FSTL5: variants seen among roughly 807,000 people sequenced by gnomAD.
The protein encoded by FSTL5 is follistatin like 5.
In FSTL5, 62 loss-of-function variants were observed where a neutral mutation model predicts 89.1. The observed-to-expected ratio is 0.70, with a 90% CI of 0.57 to 0.86. FSTL5 has a LOEUF of 0.86. FSTL5 is among the 40% of genes least tolerant of loss of function. The pLI is 0.00. For synonymous variants in FSTL5, 383 were observed against 346.2 expected, an observed-to-expected ratio of 1.11 and a Z score of -1.18; for missense variants, 1,057 against 1,001.6, an observed-to-expected ratio of 1.06 and a Z score of -0.75.
intron 4 of FSTL5, among the ~76,000 whole-genome samples, chr4:161,803,922 C>G (rs1265630120): frequency 6.6e-6 from 1 of 151,994 alleles, no homozygotes; most frequent in African/African-American, 2.4e-5. Flanking sequence ...TTTCTAGAGG[C>G]TTTAAGATTA....
At chr4:161,538,898 G>A (rs1001895651) in intron 9 of FSTL5, among the ~76,000 whole-genome samples, 4 of 151,904 alleles carry the variant, frequency 2.6e-5, no homozygotes, top group Admixed American at 2.0e-4. Context: ...TGAGTAGCTG[G>A]GACTACAGGC....
intron 12 of FSTL5, among the ~76,000 whole-genome samples, chr4:161,488,295 T>TG (rs2126465054): frequency 6.6e-6 from 1 of 152,166 alleles, no homozygotes; most frequent in South Asian, 2.1e-4. Flanking sequence ...CATGGTAACG[T>TG]GGGGGCTCTA....
intron 4 of FSTL5, among the ~76,000 whole-genome samples, chr4:161,846,071 TTGTG>T (rs1731359708): frequency 6.6e-6 from 1 of 151,414 alleles, no homozygotes; most frequent in Non-Finnish European, 1.5e-5. Context: ...AAATTGTGAA[TTGTG>T]TGTGTATTTG....
chr4:162,156,707 A>G (rs1268950243), intron 1 of FSTL5, among the ~76,000 whole-genome samples: 1 of 152,150 alleles, frequency 6.6e-6, no homozygotes, highest in Non-Finnish European at 1.5e-5. Context: ...ATACATGGAC[A>G]TAAGGATGAC....
chr4:161,431,144 A>G (rs1315059660), intron 15 of FSTL5, among the ~76,000 whole-genome samples: 3 of 152,246 alleles, frequency 2.0e-5, no homozygotes, highest in Non-Finnish European at 4.4e-5. Context: ...GTACACAGAA[A>G]AACATAAAAT....
intron 1 of FSTL5, among the ~76,000 whole-genome samples, chr4:162,125,151 T>C (rs1561032725): frequency 6.6e-6 from 1 of 152,206 alleles, no homozygotes; most frequent in Non-Finnish European, 1.5e-5. Flanking sequence ...GACACAGCTT[T>C]CTATCAATTT....
intron 4 of FSTL5, among the ~76,000 whole-genome samples, chr4:161,837,021 A>G (rs1731066241): frequency 6.6e-6 from 1 of 152,136 alleles, no homozygotes; most frequent in Admixed American, 6.6e-5. Context: ...CTAAATATGT[A>G]GTTGGACCTA....
At chr4:161,793,457 T>C (rs368628612) in intron 4 of FSTL5, among the ~76,000 whole-genome samples, 3 of 152,200 alleles carry the variant, frequency 2.0e-5, no homozygotes, top group African/African-American at 7.2e-5. Flanking sequence ...ATTCAGGATA[T>C]ATTAGTGTCA....
At chr4:161,538,416 C>T (rs189741234) in intron 9 of FSTL5, 116 bp from the exon 10 acceptor site, 1 of 1,128,564 alleles carries the variant, frequency 8.9e-7, no homozygotes, top group African/African-American at 1.5e-5. Context: ...TGTTTCCCTT[C>T]CTACTTCCAT....
intron 6 of FSTL5, among the ~76,000 whole-genome samples, chr4:161,725,742 A>G (rs1982121): frequency 0.57 from 86,853 of 152,012 alleles, 27,818 homozygotes; most frequent in Non-Finnish European, 0.72. Context: ...AGAAATAATG[A>G]TAATGCTTGC....
chr4:161,846,589 C>T (rs1172914839), intron 4 of FSTL5, among the ~76,000 whole-genome samples: 3 of 152,098 alleles, frequency 2.0e-5, no homozygotes, highest in Non-Finnish European at 2.9e-5. Flanking sequence ...ATTCATTAAC[C>T]AATCACAATC....
intron 8 of FSTL5, among the ~76,000 whole-genome samples, chr4:161,545,631 T>G (rs1473097972): frequency 1.3e-5 from 2 of 151,934 alleles, no homozygotes; most frequent in African/African-American, 4.8e-5. Flanking sequence ...AGTATTGTGG[T>G]CCCACAATAA....
In FSTL5 at chr4:161,775,953, C is replaced by A. The variant is rs149924977; in HGVS notation, c.531G>T (p.Lys177Asn). Residue 177 changes from lysine (K) to asparagine (N), a missense_variant, in exon 5 of 16, where the codon AAG (lysine) becomes AAT (asparagine). By Grantham distance (94) the Lys-to-Asn change is moderately conservative. Transcript: ENST00000306100. ...NPNGDDISRKKLLVDQMFKYF... is the reference protein window; with the variant it reads ...NPNGDDISRKNLLVDQMFKYF... Reference sequence around the variant, plus strand: ...ATTTAAACATTTGATCCACCAATAGCTTCTTCCGAGATATGTCGTCGCCAT... The same window carrying A: ...ATTTAAACATTTGATCCACCAATAGATTCTTCCGAGATATGTCGTCGCCAT... The A allele has an allele frequency of 2.0e-4, 317 of 1,607,956 alleles. No homozygotes were observed. The highest frequency in any genetic ancestry group is 5.0e-4 in the Middle Eastern group (3 of 6,054).
In FSTL5 at chr4:161,587,470, T is replaced by A. The variant is rs1298654277; in HGVS notation, c.1000A>T (p.Ile334Phe). The A allele has an allele frequency of 1.2e-6, 2 of 1,613,290 alleles. No individual in the cohort carries two copies. The highest frequency in any genetic ancestry group is 1.7e-6 in the Non-Finnish European group (2 of 1,179,432). ...CACTTCTTACCATTCACTTGGAAGA[T>A]GTGAGTCTGATAGACTTGTTCATAG... is the stretch of plus-strand genomic sequence containing the variant. ...DGYEQVYQTHIFQVNVPPVIR... is the reference protein window; with the variant it reads ...DGYEQVYQTHFFQVNVPPVIR... Residue 334 changes from isoleucine (I) to phenylalanine (F), a missense_variant, in exon 8 of 16, where the codon ATC (isoleucine) becomes TTC (phenylalanine). This residue lies in a region of FSTL5 where 980 missense variants were observed against 903.2 expected (regional missense o/e 1.08). Transcript: ENST00000306100.
At chr4:162,086,493 G>T (rs1730327013) in intron 2 of FSTL5, among the ~76,000 whole-genome samples, 1 of 151,610 alleles carries the variant, frequency 6.6e-6, no homozygotes, top group Admixed American at 6.6e-5. Context: ...CTGGCATAAT[G>T]AATATGTCAT....
At chr4:161,490,632 T>A (rs1300306419) in intron 12 of FSTL5, among the ~76,000 whole-genome samples, 1 of 152,142 alleles carries the variant, frequency 6.6e-6, no homozygotes, top group Non-Finnish European at 1.5e-5. Flanking sequence ...GTGCCTTATA[T>A]GGAACAAAGG....
intron 12 of FSTL5, among the ~76,000 whole-genome samples, chr4:161,497,389 T>C (rs1203500108): frequency 1.3e-5 from 2 of 152,086 alleles, no homozygotes; most frequent in South Asian, 2.1e-4. Flanking sequence ...AAATTAGTTA[T>C]AACAATTCCC....
In FSTL5 at chr4:162,121,197, T is replaced by C. The variant is rs1354334671; in HGVS notation, c.-16-9785A>G. Among the ~76,000 whole-genome samples, 4 of 151,996 alleles carry C rather than the reference T, an allele frequency of 2.6e-5. No individual in the cohort carries two copies. The South Asian group carries it at 6.2e-4, about 24-fold the overall frequency. On this transcript the variant is annotated intron_variant, in intron 1 of 15. Transcript: ENST00000306100. ...ATGGTTATATATAGTATAGCATATA[T>C]ACTTTAAAGCATTTTTGACAACTTT...
chr4:161,644,338 C>T (rs549968601), intron 7 of FSTL5, among the ~76,000 whole-genome samples: 3 of 151,922 alleles, frequency 2.0e-5, no homozygotes, highest in African/African-American at 7.3e-5. Flanking sequence ...GCCAGCCTGG[C>T]CAATGTGGTG....
Sources: allele counts gnomAD v4.1 joint callset (sites outside exome capture counted in the v4.1 genomes callset), GRCh38; gene constraint gnomAD v4.1.1; regional missense constraint gnomAD v4.1.1; transcripts MANE v1.5; gene names NCBI Gene and HGNC (gene_info 2026-07-23, HGNC 2026-07-21).